The following PSEN1 variants were observed in gnomAD, a reference collection of about 807,000 sequenced individuals.
PSEN1 encodes presenilin 1.
A neutral mutation model predicts 53.5 loss-of-function variants in PSEN1; 15 were observed. The ratio of observed to expected loss-of-function variants is 0.28; its 90% confidence interval spans 0.19 to 0.43. PSEN1 has a LOEUF of 0.43. Among genes scored for constraint, PSEN1 ranks in the 20% least tolerant of loss-of-function variants. PSEN1 has a pLI of 1.00. For missense variants in PSEN1, 387 were observed against 571.2 expected, an observed-to-expected ratio of 0.68 and a Z score of 3.29; for synonymous variants, 208 against 209.8, an observed-to-expected ratio of 0.99 and a Z score of 0.08.
chr14:73,174,064 T>A, intron 5 of PSEN1: 1 of 357,138 alleles, frequency 2.8e-6, no homozygotes, highest in Non-Finnish European at 5.0e-6. Flanking sequence ...TAGTGTAAAA[T>A]ATATATATTA....
intron 10 of PSEN1, among the ~76,000 whole-genome samples, chr14:73,215,702 A>C (rs962800020): frequency 1.3e-5 from 2 of 152,216 alleles, no homozygotes; most frequent in Admixed American, 6.5e-5. Context: ...TTGACTAGAC[A>C]TTCTACCAAA....
At position 73,192,389 on chromosome 14, in the gene PSEN1, C is replaced by T. The variant is rs1898755923; in HGVS notation, c.549-255C>T. On this transcript the variant is annotated intron_variant, in intron 6 of 11. Transcript: ENST00000324501. The stretch of plus-strand genomic sequence containing the variant: ...TCCGGAGGTAAAGACTGCAGTGAGC[C>T]GTGATTGCACCACTTTACTCCAGCC... 2.0e-5 allele frequency among the ~76,000 whole-genome samples: 3 copies of T among 152,028 alleles called. No homozygotes were observed. The South Asian group carries it at 6.2e-4, about 32-fold the overall frequency.
At chr14:73,212,860 T>C (rs1248479585) in intron 10 of PSEN1, among the ~76,000 whole-genome samples, 1 of 152,234 alleles carries the variant, frequency 6.6e-6, no homozygotes, top group African/African-American at 2.4e-5. Flanking sequence ...ACCAAGTTAT[T>C]TTTGGTTGTC....
At chr14:73,142,982 G>A (rs1020907536) in intron 1 of PSEN1, among the ~76,000 whole-genome samples, 7 of 152,112 alleles carry the variant, frequency 4.6e-5, no homozygotes, top group East Asian at 3.9e-4. Flanking sequence ...TCCTCAATTC[G>A]GGTCCCATGA....
At chr14:73,144,943 G>A (rs139048521) in intron 1 of PSEN1, among the ~76,000 whole-genome samples, 102 of 151,728 alleles carry the variant, frequency 6.7e-4, no homozygotes, top group African/African-American at 2.3e-3. Context: ...CCCAGGCTGC[G>A]GTGCAGTGGC....
chr14:73,157,477 A>T (rs1340249502), intron 3 of PSEN1, among the ~76,000 whole-genome samples: 1 of 152,184 alleles, frequency 6.6e-6, no homozygotes, highest in Non-Finnish European at 1.5e-5. Flanking sequence ...TTATTGTGGT[A>T]TAATTGACGT....
chr14:73,218,148 G>A (rs1229621155), intron 11 of PSEN1, among the ~76,000 whole-genome samples: 1 of 139,248 alleles, frequency 7.2e-6, no homozygotes, highest in African/African-American at 2.8e-5. Flanking sequence ...CTAGAGTGCA[G>A]TGACATTAGC....
chr14:73,196,233 G>A lies in PSEN1; in HGVS notation c.770-1798G>A, dbSNP rs186548107. ...ATTTAGCAATTCTTTAAGGGAGAGT[G>A]TATCATAAAACTGAAATAGTACTGA... is the stretch of plus-strand genomic sequence containing the variant. On this transcript the variant is annotated intron_variant, in intron 7 of 11. Transcript: ENST00000324501. Among the ~76,000 whole-genome samples the A allele has an allele frequency of 2.3e-4, 35 of 152,108 alleles. 1 individual carries two copies. The South Asian group carries it at 5.4e-3, about 23-fold the overall frequency.
At chr14:73,141,432 A>G (rs778787403) in intron 1 of PSEN1, among the ~76,000 whole-genome samples, 2 of 152,224 alleles carry the variant, frequency 1.3e-5, no homozygotes, top group African/African-American at 2.4e-5. Flanking sequence ...GTCTCTTAAA[A>G]ACCAGAGGAG....
At chr14:73,215,940 C>T (rs1899895512) in intron 10 of PSEN1, among the ~76,000 whole-genome samples, 2 of 152,042 alleles carry the variant, frequency 1.3e-5, no homozygotes, top group African/African-American at 4.8e-5. Context: ...GCAATTGCAC[C>T]CCCAGGAGTC....
intron 9 of PSEN1, among the ~76,000 whole-genome samples, chr14:73,210,469 C>T (rs1277650703): frequency 2.0e-5 from 3 of 152,046 alleles, no homozygotes; most frequent in Admixed American, 2.0e-4. Flanking sequence ...GAATAAGTAC[C>T]TCAAATTAAA....
intron 1 of PSEN1, among the ~76,000 whole-genome samples, chr14:73,137,835 G>C (rs1359099752): frequency 6.6e-6 from 1 of 152,120 alleles, no homozygotes; most frequent in Non-Finnish European, 1.5e-5. Context: ...TGTAATCCCA[G>C]CACTTTGGGA....
chr14:73,219,299 G>A lies in PSEN1; in HGVS notation c.*10G>A, dbSNP rs368170929. On this transcript the variant is annotated 3_prime_UTR_variant, in exon 12 of 12. Transcript: ENST00000324501. ...TCAATTTTATATCTAGCATATTTGCGGTTAGAATCCCATGGATGTTTCTTC... is the reference window on the plus strand; with the variant it reads ...TCAATTTTATATCTAGCATATTTGCAGTTAGAATCCCATGGATGTTTCTTC... The A allele has an allele frequency of 2.5e-5, 41 of 1,610,110 alleles. No homozygotes were observed. Among genetic ancestry groups the A allele is most frequent in the South Asian group, 2.0e-4 (18 of 90,988 alleles).
At chr14:73,200,450 A>G (rs1899133863) in intron 8 of PSEN1, among the ~76,000 whole-genome samples, 1 of 152,012 alleles carries the variant, frequency 6.6e-6, no homozygotes, top group Non-Finnish European at 1.5e-5. Flanking sequence ...TTGTATTTTT[A>G]GTAGAGACGG....
chr14:73,203,728 C>A (rs1340692916), intron 8 of PSEN1, among the ~76,000 whole-genome samples: 2 of 152,032 alleles, frequency 1.3e-5, no homozygotes, highest in African/African-American at 4.8e-5. Context: ...TTATTCTTAC[C>A]TAGTGGTCAT....
chr14:73,151,894 A>ATATATT (rs1566619471), intron 3 of PSEN1, among the ~76,000 whole-genome samples: 1 of 38,952 alleles, frequency 2.6e-5, no homozygotes, highest in African/African-American at 1.3e-4. Flanking sequence ...ATATATATAT[A>ATATATT]TTTTTTTTTT....
intron 10 of PSEN1, among the ~76,000 whole-genome samples, chr14:73,214,744 G>A (rs1253202714): frequency 6.6e-6 from 1 of 152,166 alleles, no homozygotes; most frequent in African/African-American, 2.4e-5. Flanking sequence ...CATCAGAGTA[G>A]TCAGAAAGTA....
At chr14:73,188,908 G>A (rs1192084100) in intron 6 of PSEN1, among the ~76,000 whole-genome samples, 1 of 151,952 alleles carries the variant, frequency 6.6e-6, no homozygotes, top group Non-Finnish European at 1.5e-5. Context: ...CCTGCATCAA[G>A]GCCTCCCAAG....
chr14:73,139,006 G>A lies in PSEN1; in HGVS notation c.-136+2423G>A, dbSNP rs1464452819. 2.0e-5 allele frequency among the ~76,000 whole-genome samples: 3 copies of A among 151,218 alleles called. No homozygotes were observed. In the South Asian group the frequency reaches 6.2e-4, roughly 31 times the overall value. ...AAATGTAAAAAGAGGCTGGGTGGCC[G>A]GGCGCAGCGGCTCACGCCTGTAAAC... On this transcript the variant is annotated intron_variant, in intron 1 of 11. Coordinates refer to ENST00000324501, the MANE Select transcript of PSEN1 (RefSeq NM_000021.4).
Sources: allele counts gnomAD v4.1 joint callset (sites outside exome capture counted in the v4.1 genomes callset), GRCh38; gene constraint gnomAD v4.1.1; transcripts MANE v1.5; gene names NCBI Gene and HGNC (gene_info 2026-07-23, HGNC 2026-07-21).